Variants in U2SURP observed in about 807,000 individuals in gnomAD.
U2SURP encodes the protein U2 snRNP associated SURP domain containing, also known as U2 snRNP-associated SURP motif-containing protein.
A neutral mutation model predicts 144.9 loss-of-function variants in U2SURP; 9 were observed. The ratio of observed to expected loss-of-function variants is 0.06; its 90% confidence interval spans 0.04 to 0.11. The LOEUF (loss-of-function observed/expected upper bound fraction) is 0.11, where lower values mean the gene tolerates loss of function less well. Ranked by LOEUF, U2SURP falls within the 10% of genes least tolerant of loss-of-function variation. The pLI, the probability that U2SURP is intolerant of heterozygous loss-of-function variation, is 1.00. For missense variants in U2SURP, 724 were observed against 1,226.7 expected (o/e 0.59, Z 6.12); for synonymous variants, 408 against 396.8 (o/e 1.03, Z -0.33).
chr3:143,011,666 T>C (rs1410019831), intron 2 of U2SURP, among the ~76,000 whole-genome samples: 1 of 152,076 alleles, frequency 6.6e-6, no homozygotes, highest in Non-Finnish European at 1.5e-5. Flanking sequence ...ACTAGCATAA[T>C]TAGAAATAAT....
intron 1 of U2SURP, 61 bp from the exon 2 acceptor site, chr3:143,010,754 A>G: frequency 7.6e-7 from 1 of 1,314,746 alleles, no homozygotes; most frequent in South Asian, 1.4e-5. Context: ...ATAACACGAG[A>G]GACATGTTTT....
Position 143,037,254 on chromosome 3 carries a change from A to T in U2SURP, c.2140A>T (p.Ile714Phe). The T allele has an allele frequency of 6.2e-7, 1 of 1,612,626 alleles. No individual in the cohort carries two copies. The highest frequency in any genetic ancestry group is 8.5e-7 in the Non-Finnish European group (1 of 1,179,294). ...DGAPLEDVDGIPIDATPIDDL... is the reference protein window; with the variant it reads ...DGAPLEDVDGFPIDATPIDDL... ...TGCACCTCTGGAAGATGTAGATGGA[A>T]TTCCTATTGATGCTACTCCCATCGA... is the stretch of plus-strand genomic sequence containing the variant. Residue 714 changes from isoleucine (I) to phenylalanine (F), a missense_variant, in exon 21 of 28, where the codon ATT becomes TTT. Ile to Phe is a conservative substitution (Grantham distance 21, BLOSUM62 0). Transcript: ENST00000473835.
chr3:143,056,280 A>T, intron 27 of U2SURP, 32 bp from the exon 28 acceptor site: 1 of 1,572,470 alleles, frequency 6.4e-7, no homozygotes. Context: ...TGAGTACTTT[A>T]TCAATTGGGA....
intron 3 of U2SURP, among the ~76,000 whole-genome samples, chr3:143,013,623 A>G (rs1936220211): frequency 6.6e-6 from 1 of 152,092 alleles, no homozygotes; most frequent in South Asian, 2.1e-4. Flanking sequence ...GACTGAACAA[A>G]AAGGTCTACA....
In U2SURP at chr3:143,032,008, T is replaced by C. The variant is rs115799326; in HGVS notation, c.1611-776T>C. Among the ~76,000 whole-genome samples the C allele has an allele frequency of 3.3e-3, 495 of 152,254 alleles. 2 individuals carry two copies. Among genetic ancestry groups the C allele is most frequent in the Middle Eastern group, 0.01 (3 of 294 alleles). ...CTTCCCTACATGTTGTCTGGCTGCT[T>C]TGGTGCTATGCCAGCAGGGGGATAG... On this transcript the variant is annotated intron_variant, in intron 16 of 27. Transcript: ENST00000473835.
At chr3:143,053,597 A>G in intron 25 of U2SURP, 79 bp from the exon 26 acceptor site, 1 of 949,220 alleles carries the variant, frequency 1.1e-6, no homozygotes, top group Non-Finnish European at 1.5e-6. Flanking sequence ...TTCCTGTAAG[A>G]GAAGATATTG....
Position 143,058,659 on chromosome 3 carries a change from A to G in U2SURP, c.*2209A>G, listed in dbSNP as rs1166545183. 3.3e-5 allele frequency: 5 copies of G among 151,840 alleles called. No individual in the cohort carries two copies. The highest frequency in any genetic ancestry group is 7.2e-5 in the African/African-American group (3 of 41,404). The allele number at this position is 151,840 out of a possible 1,614,324, so 9.4% of individuals were successfully genotyped here. A position where few individuals can be genotyped will look rare whatever the true frequency, so the allele number is the denominator to read the frequency against. On this transcript the variant is annotated 3_prime_UTR_variant, in exon 28 of 28. Coordinates refer to ENST00000473835, the MANE Select transcript of U2SURP (RefSeq NM_001080415.2). ...AAATTACCTAGAGTAAACCTACTTAATACTCCCATGGATTCTATGAAAGTT... is the reference window on the plus strand; with the variant it reads ...AAATTACCTAGAGTAAACCTACTTAGTACTCCCATGGATTCTATGAAAGTT...
chr3:143,034,644 G>T (rs1184500876), intron 18 of U2SURP: 3 of 293,854 alleles, frequency 1.0e-5, no homozygotes, highest in Non-Finnish European at 1.9e-5. Context: ...TAGATATAAC[G>T]TTTCTTGCTC....
At chr3:143,050,135 G>A (rs1015871859) in intron 24 of U2SURP, among the ~76,000 whole-genome samples, 1 of 152,010 alleles carries the variant, frequency 6.6e-6, no homozygotes, top group African/African-American at 2.4e-5. Context: ...GTACAATGGT[G>A]CCATCTCGGC....
intron 12 of U2SURP, 170 bp downstream of exon 12, chr3:143,023,234 A>G: frequency 1.8e-6 from 1 of 557,094 alleles, no homozygotes. Context: ...CCTATATTTG[A>G]AATACTAGGT....
chr3:143,042,368 A>G (rs1248233831), intron 23 of U2SURP, among the ~76,000 whole-genome samples: 1 of 152,158 alleles, frequency 6.6e-6, no homozygotes, highest in Non-Finnish European at 1.5e-5. Flanking sequence ...TCTGTGACTC[A>G]AGCTCATGTA....
In U2SURP at chr3:143,029,379, A is replaced by G. The variant is rs114744971; in HGVS notation, c.1610+733A>G. Among the ~76,000 whole-genome samples the G allele has an allele frequency of 9.2e-3, 1,398 of 152,330 alleles. 16 individuals carry two copies. Among genetic ancestry groups the G allele is most frequent in the Non-Finnish European group, 0.015 (1,009 of 68,030 alleles). On this transcript the variant is annotated intron_variant, in intron 16 of 27. Coordinates refer to ENST00000473835, the MANE Select transcript of U2SURP (RefSeq NM_001080415.2). ...ATTATTTTTCGAACAGCATGTGCTT[A>G]CTTCATGTCTGTCACATTTTCATAA...
Position 143,056,552 on chromosome 3 carries a change from C to G in U2SURP, c.*102C>G, listed in dbSNP as rs1935162197. ...CAAAAAATCAAATGAAAGAGCATTC[C>G]TGGGGTTTTTTGTTTGTTTGTGTAT... On this transcript the variant is annotated 3_prime_UTR_variant, in exon 28 of 28. Transcript: ENST00000473835. The G allele has an allele frequency of 6.9e-7, 1 of 1,444,302 alleles. No homozygotes were observed. 89.5% of individuals were successfully genotyped at this position (1,444,302 alleles called of 1,614,324 possible). A position where few individuals can be genotyped will look rare whatever the true frequency, so the allele number is the denominator to read the frequency against.
At chr3:143,042,002 C>T (rs565551274) in intron 23 of U2SURP, among the ~76,000 whole-genome samples, 15 of 151,926 alleles carry the variant, frequency 9.9e-5, no homozygotes, top group African/African-American at 3.4e-4. Context: ...AACCCAGTCT[C>T]AGAATGTATT....
intron 25 of U2SURP, 138 bp from the exon 26 acceptor site, chr3:143,053,538 T>TCGG: frequency 1.6e-6 from 1 of 614,176 alleles, no homozygotes; most frequent in Non-Finnish European, 2.5e-6. Flanking sequence ...GGGGTAGATT[T>TCGG]TTTTTTTTTT....
chr3:143,009,247 G>A (rs892924688), intron 1 of U2SURP, among the ~76,000 whole-genome samples: 3 of 152,016 alleles, frequency 2.0e-5, no homozygotes, highest in Non-Finnish European at 4.4e-5. Context: ...AAGATTAGCC[G>A]CTAGAAGAAA....
chr3:143,008,006 G>A (rs1281036116), intron 1 of U2SURP, among the ~76,000 whole-genome samples: 2 of 152,232 alleles, frequency 1.3e-5, no homozygotes, highest in Admixed American at 6.5e-5. Flanking sequence ...AGTGGAAAAT[G>A]TCTGGTTTGC....
At chr3:143,004,098 A>G (rs1402632578) in intron 1 of U2SURP, among the ~76,000 whole-genome samples, 1 of 152,124 alleles carries the variant, frequency 6.6e-6, no homozygotes, top group African/African-American at 2.4e-5. Flanking sequence ...ATCTGGTTTG[A>G]TTTCCTTTCC....
rs148352726 is a variant in U2SURP, at chr3:143,012,216, C to T, written c.91-6C>T. 8.7e-6 allele frequency: 14 copies of T among 1,605,530 alleles called. No individual in the cohort carries two copies. The African/African-American group carries it at 1.8e-4, about 20-fold the overall frequency. ...GTTTTTTTCTCTTGTTTTACTTTTC[C>T]TGAAGATGGATGCATCTGGACCCTC... On this transcript the variant is annotated splice_region_variant and splice_polypyrimidine_tract_variant and intron_variant, in intron 2 of 27. Transcript: ENST00000473835.
Sources: gnomAD v4.1 joint callset for allele counts (sites outside exome capture counted in the v4.1 genomes callset) on GRCh38, gnomAD v4.1.1 for gene constraint, MANE v1.5 for transcripts, NCBI Gene and HGNC (gene_info 2026-07-23, HGNC 2026-07-21) for gene names.